The following ASXL2 variants were observed in gnomAD, a reference collection of about 807,000 sequenced individuals.
ASXL2 encodes ASXL transcriptional regulator 2.
ASXL2 carries 23 observed loss-of-function variants against 122.0 expected under a neutral mutation model. The observed-to-expected ratio is 0.19, with a 90% CI of 0.14 to 0.27. The LOEUF is 0.27. ASXL2 is among the 10% of genes least tolerant of loss of function. ASXL2 has a pLI of 1.00. For synonymous variants in ASXL2, 650 were observed against 637.0 expected (o/e 1.02, Z -0.31); for missense variants, 1,518 against 1,713.8 (o/e 0.89, Z 2.02).
chr2:25,864,729 T>TAC (rs1236435893), intron 1 of ASXL2, among the ~76,000 whole-genome samples: 2 of 152,100 alleles, frequency 1.3e-5, no homozygotes, highest in Non-Finnish European at 2.9e-5. Context: ...TTTTACATTT[T>TAC]ATATGAACAT....
chr2:25,815,523 C>T (rs2089222079), intron 3 of ASXL2, among the ~76,000 whole-genome samples: 1 of 152,002 alleles, frequency 6.6e-6, no homozygotes, highest in Admixed American at 6.6e-5. Context: ...ACTACATATA[C>T]TGAAAGGAAA....
At chr2:25,777,092 TTA>T (rs1376748872) in intron 5 of ASXL2, among the ~76,000 whole-genome samples, 2 of 152,104 alleles carry the variant, frequency 1.3e-5, no homozygotes, top group African/African-American at 2.4e-5. Context: ...TTTAAAATTA[TTA>T]TATGTTATTT....
At chr2:25,784,301 T>C (rs2088701315) in intron 5 of ASXL2, among the ~76,000 whole-genome samples, 1 of 152,088 alleles carries the variant, frequency 6.6e-6, no homozygotes, top group Admixed American at 6.5e-5. Flanking sequence ...CCCTTGTATA[T>C]GTAAGCCTCC....
rs193159250 is a variant in ASXL2 at position 25,753,689 on chromosome 2, C to T, written c.1037-50G>A. 2.3e-4 allele frequency: 306 copies of T among 1,331,570 alleles called. 1 individual carries two copies. Among genetic ancestry groups the T allele is most frequent in the Middle Eastern group, 1.8e-4 (1 of 5,442 alleles). The allele number at this position is 1,331,570 out of a possible 1,614,324, so 82.5% of individuals were successfully genotyped here. A position where few individuals can be genotyped will look rare whatever the true frequency, so the allele number is the denominator to read the frequency against. ...TTCAATAGAAAAATGCTATTTGCAA[C>T]ATGTAACTATTTATAAATCATGAAA... On this transcript the variant is annotated intron_variant, in intron 10 of 12. Transcript: ENST00000435504.
intron 1 of ASXL2, among the ~76,000 whole-genome samples, chr2:25,870,598 G>C (rs2089955668): frequency 6.6e-6 from 1 of 152,136 alleles, no homozygotes; most frequent in African/African-American, 2.4e-5. Flanking sequence ...TTTGAGCCCA[G>C]GAGGTCAAGG....
At chr2:25,849,320 G>A (rs779355805) in intron 1 of ASXL2, among the ~76,000 whole-genome samples, 17 of 150,562 alleles carry the variant, frequency 1.1e-4, no homozygotes, top group East Asian at 4.0e-4. Flanking sequence ...GTGGCTGGGC[G>A]CCTGTAATCC....
At chr2:25,828,780 G>T (rs762334923) in intron 3 of ASXL2, among the ~76,000 whole-genome samples, 29 of 123,344 alleles carry the variant, frequency 2.4e-4, no homozygotes, top group Non-Finnish European at 3.9e-4. Flanking sequence ...AGCTGAGATC[G>T]CACCATTGCA....
At chr2:25,751,793 T>A (rs1244543530) in intron 11 of ASXL2, among the ~76,000 whole-genome samples, 2 of 152,162 alleles carry the variant, frequency 1.3e-5, no homozygotes, top group Non-Finnish European at 2.9e-5. Flanking sequence ...GAACTCTTTT[T>A]TTTTTTGAGA....
chr2:25,757,921 CAAA>C (rs10524530), intron 9 of ASXL2, among the ~76,000 whole-genome samples: 15,534 of 127,424 alleles, frequency 0.12, 819 homozygotes, highest in African/African-American at 0.19. Context: ...GAGTCTTTAA[CAAA>C]AAAAAAAAAA....
rs1407792497 is a variant in ASXL2, at chr2:25,736,807, A to G, written c.*5222T>C. 2.6e-5 allele frequency: 4 copies of G among 152,232 alleles called. No individual in the cohort carries two copies. The highest frequency in any genetic ancestry group is 2.6e-4 in the Admixed American group (4 of 15,282). The allele number at this position is 152,232 out of a possible 1,614,324, so 9.4% of individuals were successfully genotyped here. On this transcript the variant is annotated 3_prime_UTR_variant, in exon 13 of 13. Coordinates refer to ENST00000435504, the MANE Select transcript of ASXL2 (RefSeq NM_018263.6). ...GATACACTCTCGAAAATCTGACCTTAACAATTTTTCTTTTAGGTCATCAAT... is the reference window on the plus strand; with the variant it reads ...GATACACTCTCGAAAATCTGACCTTGACAATTTTTCTTTTAGGTCATCAAT...
At chr2:25,753,128 C>G (rs1009098070) in intron 11 of ASXL2, among the ~76,000 whole-genome samples, 2 of 151,486 alleles carry the variant, frequency 1.3e-5, no homozygotes, top group African/African-American at 4.9e-5. Flanking sequence ...CCACCACGCC[C>G]AACTAATTTT....
intron 3 of ASXL2, chr2:25,810,200 C>G (rs2089146464): frequency 5.1e-6 from 3 of 587,684 alleles, no homozygotes; most frequent in East Asian, 4.3e-5. Context: ...GCTCATCCAT[C>G]TCTCGGCAAT....
chr2:25,812,328 C>T (rs1025907184), intron 3 of ASXL2, among the ~76,000 whole-genome samples: 15 of 151,866 alleles, frequency 9.9e-5, no homozygotes, highest in African/African-American at 3.1e-4. Context: ...GGTATGGTGG[C>T]GGGCGCCTGT....
At chr2:25,793,072 G>C (rs1399426162) in intron 5 of ASXL2, among the ~76,000 whole-genome samples, 2 of 151,650 alleles carry the variant, frequency 1.3e-5, no homozygotes, top group Non-Finnish European at 2.9e-5. Context: ...GCCCAACATG[G>C]AGAAATTCTG....
intron 5 of ASXL2, among the ~76,000 whole-genome samples, chr2:25,783,189 T>C (rs1228364217): frequency 6.6e-6 from 1 of 152,052 alleles, no homozygotes; most frequent in East Asian, 1.9e-4. Flanking sequence ...TCTGAACATG[T>C]GGGTACAGTG....
rs1192337593 is a variant in ASXL2, at chr2:25,749,743, G to C, written c.1813C>G (p.Leu605Val). 6.4e-7 allele frequency: 1 copy of C among 1,560,172 alleles called. No homozygotes were observed. The highest frequency in any genetic ancestry group is 8.6e-7 in the Non-Finnish European group (1 of 1,160,084). ...QPFQVSPQPFLNRGDRIQVRK... is the reference protein window; with the variant it reads ...QPFQVSPQPFVNRGDRIQVRK... ...ACCTGGATTCTGTCCCCTCTATTGA[G>C]AAAGGGCTGTGGTGAGACCTGAAAT... The change falls in exon 12 of 13, where the codon CTC (leucine) becomes GTC (valine). Residue 605 changes from leucine (L) to valine (V), a missense_variant. Around this residue, in one of 8 missense-constraint regions of ASXL2, gnomAD observed 292 missense variants for 293.5 expected, o/e 1.00. Transcript: ENST00000435504.
At position 25,737,218 on chromosome 2, in the gene ASXL2, G is replaced by T. The variant is rs551102981; in HGVS notation, c.*4811C>A. 6.8e-6 allele frequency: 1 copy of T among 146,856 alleles called. No homozygotes were observed. Among genetic ancestry groups the T allele is most frequent in the South Asian group, 2.1e-4 (1 of 4,656 alleles). The allele number at this position is 146,856 out of a possible 1,614,324, so 9.1% of individuals were successfully genotyped here. A position where few individuals can be genotyped will look rare whatever the true frequency, so the allele number is the denominator to read the frequency against. ...TCACTTCTGAGAGAACTGGGAAACG[G>T]AAAAAAAAAAATTTCTATCATCTTC... On this transcript the variant is annotated 3_prime_UTR_variant, in exon 13 of 13. Coordinates refer to ENST00000435504, the MANE Select transcript of ASXL2 (RefSeq NM_018263.6).
intron 2 of ASXL2, among the ~76,000 whole-genome samples, chr2:25,844,063 C>G (rs1308309441): frequency 6.6e-6 from 1 of 152,012 alleles, no homozygotes; most frequent in Non-Finnish European, 1.5e-5. Flanking sequence ...TTCCCCTACC[C>G]CAATCACTGT....
intron 3 of ASXL2, chr2:25,810,722 C>T: frequency 1.6e-6 from 1 of 619,822 alleles, no homozygotes; most frequent in South Asian, 1.5e-5. Context: ...GCAGCTGCTT[C>T]TCACCAGTGT....
Sources: gnomAD v4.1 joint callset for allele counts (sites outside exome capture counted in the v4.1 genomes callset) on GRCh38, gnomAD v4.1.1 for gene constraint, gnomAD v4.1.1 regional missense constraint, MANE v1.5 for transcripts, NCBI Gene and HGNC (gene_info 2026-07-23, HGNC 2026-07-21) for gene names.